The following SUCO variants were observed in gnomAD, a reference collection of about 807,000 sequenced individuals.
SUCO encodes SUN domain-containing ossification factor.
A neutral mutation model predicts 148.1 loss-of-function variants in SUCO; 57 were observed. The observed-to-expected ratio is 0.38, with a 90% CI of 0.31 to 0.48. The LOEUF is 0.48. Among genes scored for constraint, SUCO ranks in the 20% least tolerant of loss-of-function variants. The pLI, the probability that SUCO is intolerant of heterozygous loss-of-function variation, is 0.96. For missense variants in SUCO, 1,331 were observed against 1,468.2 expected (o/e 0.91, Z 1.53); for synonymous variants, 470 against 502.7 (o/e 0.93, Z 0.87).
At chr1:172,587,304 G>C (rs1448269948) in intron 17 of SUCO, among the ~76,000 whole-genome samples, 1 of 151,944 alleles carries the variant, frequency 6.6e-6, no homozygotes, top group Non-Finnish European at 1.5e-5. Flanking sequence ...TCCATGATAG[G>C]ATGTCACTGT....
At chr1:172,543,497 G>T (rs935235272) in intron 1 of SUCO, among the ~76,000 whole-genome samples, 2 of 152,116 alleles carry the variant, frequency 1.3e-5, no homozygotes, top group Non-Finnish European at 2.9e-5. Flanking sequence ...CTAATGGTAG[G>T]TTATAATGGT....
chr1:172,553,438 T>C, intron 3 of SUCO, 68 bp downstream of exon 3: 6 of 1,182,470 alleles, frequency 5.1e-6, no homozygotes, highest in Non-Finnish European at 7.2e-6. Context: ...TGAAAACCTT[T>C]GGTCACCATA....
In SUCO at chr1:172,578,350, T is replaced by C. The variant is rs763616988; in HGVS notation, c.1393T>C (p.Tyr465His). 8.1e-6 allele frequency: 13 copies of C among 1,612,754 alleles called. No homozygotes were observed. The Admixed American group carries it at 1.7e-4, about 21-fold the overall frequency. The change falls in exon 14 of 24, where the codon TAT becomes CAT. Residue 465 changes from tyrosine to histidine, a missense_variant. Around this residue, in one of 3 missense-constraint regions of SUCO, gnomAD observed 992 missense variants for 1,093.5 expected, o/e 0.91. Transcript: ENST00000263688. ...EEYEEIADSQ[Y>H]HSERQELFDE... ...ATATGAAGAAATTGCTGATTCCCAG[T>C]ATCACTCAGAACGCCAGGAACTATT...
intron 1 of SUCO, among the ~76,000 whole-genome samples, chr1:172,533,961 G>A (rs551254821): frequency 1.3e-5 from 2 of 152,302 alleles, no homozygotes; most frequent in South Asian, 4.1e-4. Context: ...TAATGTATAA[G>A]CAGTAGTTCT....
chr1:172,555,540 A>G (rs940970928), intron 3 of SUCO, among the ~76,000 whole-genome samples: 4 of 152,166 alleles, frequency 2.6e-5, no homozygotes, highest in Admixed American at 2.6e-4. Flanking sequence ...GTACATGTCC[A>G]TAGGGTTTCT....
intron 1 of SUCO, among the ~76,000 whole-genome samples, chr1:172,539,952 A>G (rs995572806): frequency 6.6e-6 from 1 of 152,204 alleles, no homozygotes; most frequent in African/African-American, 2.4e-5. Flanking sequence ...GCATAAAACT[A>G]TGTCAGAGCT....
chr1:172,532,504 C>T, upstream of SUCO: 1 of 1,613,592 alleles, frequency 6.2e-7, no homozygotes, highest in Non-Finnish European at 8.5e-7. Context: ...CCCTTTCTAT[C>T]TACCAATCAA....
rs202045718 is a variant in SUCO, at chr1:172,589,040, C to T, written c.1939C>T (p.Arg647Cys). 156 of 1,612,662 alleles carry T rather than the reference C, an allele frequency of 9.7e-5. 2 individuals carry two copies. The African/African-American group carries it at 1.1e-3, about 11-fold the overall frequency. ...AGTTAGAGTTGCTCTTTATCGGCAG[C>T]GCAGCCGAACTGCTTTGAGTAAAGG... ...CSVRVALYRQ[R>C]SRTALSKGKD... Residue 647 changes from arginine (R) to cysteine (C), a missense_variant, in exon 18 of 24, where the codon CGC (arginine) becomes TGC (cysteine). Coordinates refer to ENST00000263688, the MANE Select transcript of SUCO (RefSeq NM_014283.5).
chr1:172,532,843 C>T (rs376810615), upstream of SUCO: 115 of 1,544,830 alleles, frequency 7.4e-5, 5 homozygotes, highest in South Asian at 1.2e-3. Context: ...TGGGCTCCTC[C>T]CGGCTTTCTG....
chr1:172,532,567 T>G, upstream of SUCO: 3 of 1,613,930 alleles, frequency 1.9e-6, no homozygotes, highest in Non-Finnish European at 2.5e-6. Context: ...TTGGTGCAGC[T>G]TCCCTCACAA....
intron 9 of SUCO, among the ~76,000 whole-genome samples, chr1:172,571,473 G>C (rs1208129278): frequency 6.6e-6 from 1 of 151,816 alleles, no homozygotes; most frequent in Non-Finnish European, 1.5e-5. Flanking sequence ...CCTGTGCCCG[G>C]CCGCCACCCC....
At chr1:172,558,913 A>C (rs777788122) in intron 6 of SUCO, among the ~76,000 whole-genome samples, 4 of 152,186 alleles carry the variant, frequency 2.6e-5, no homozygotes, top group Non-Finnish European at 4.4e-5. Context: ...AGAGACTTAA[A>C]CTGTTTGTGA....
intron 10 of SUCO, chr1:172,574,899 T>G (rs1477848629): frequency 1.0e-6 from 1 of 985,112 alleles, no homozygotes; most frequent in Non-Finnish European, 1.2e-6. Context: ...CTACCCTTGC[T>G]CAGTTCACTT....
rs760219633 is a variant in SUCO at position 172,589,671 on chromosome 1, T to G, written c.2570T>G (p.Val857Gly). 2 of 1,613,930 alleles carry G rather than the reference T, an allele frequency of 1.2e-6. No homozygotes were observed. Among genetic ancestry groups the G allele is most frequent in the South Asian group, 1.1e-5 (1 of 91,066 alleles). The change falls in exon 18 of 24, where the codon GTG (valine) becomes GGG (glycine). Residue 857 changes from valine (V) to glycine (G), a missense_variant. By Grantham distance (109) the Val-to-Gly change is moderately radical. Around this residue, in one of 3 missense-constraint regions of SUCO, gnomAD observed 992 missense variants for 1,093.5 expected, o/e 0.91. Transcript: ENST00000263688. ...DTAKQTLISV[V>G]DSSSLPEVKE... ...GCAAAGCAAACTTTGATTTCTGTTGTGGATTCTTCTTCATTACCTGAAGTA... is the reference window on the plus strand; with the variant it reads ...GCAAAGCAAACTTTGATTTCTGTTGGGGATTCTTCTTCATTACCTGAAGTA...
At position 172,585,893 on chromosome 1, in the gene SUCO, G is replaced by A. The variant is rs1424112500; in HGVS notation, c.1603G>A (p.Ala535Thr). The A allele has an allele frequency of 1.9e-6, 3 of 1,610,976 alleles. No individual in the cohort carries two copies. The Admixed American group carries it at 5.0e-5, about 27-fold the overall frequency. The change falls in exon 17 of 24, where the codon GCT (alanine) becomes ACT (threonine). Residue 535 changes from alanine (A) to threonine (T), a missense_variant. Physicochemically the swap from Ala to Thr is moderately conservative, Grantham distance 58 (BLOSUM62 0). Coordinates refer to ENST00000263688, the MANE Select transcript of SUCO (RefSeq NM_014283.5). ...TATATCTGAGAATGCCACTGCCACA[G>A]CTGCACCTAAAATGCCTGAATCAAC... ...KSISENATATAAPKMPESTPV... is the reference protein window; with the variant it reads ...KSISENATATTAPKMPESTPV...
intron 9 of SUCO, among the ~76,000 whole-genome samples, chr1:172,572,183 C>T (rs1655065960): frequency 1.4e-5 from 2 of 143,304 alleles, no homozygotes; most frequent in African/African-American, 5.1e-5. Flanking sequence ...CCAGCCACCA[C>T]CCCGTTTGGG....
rs747240486 is a variant in SUCO at position 172,610,146 on chromosome 1, A to C, written c.3652A>C (p.Thr1218Pro). The C allele has an allele frequency of 1.2e-6, 2 of 1,613,606 alleles. No individual in the cohort carries two copies. Among genetic ancestry groups the C allele is most frequent in the South Asian group, 2.2e-5 (2 of 91,062 alleles). Residue 1218 changes from threonine to proline, a missense_variant, in exon 24 of 24, where the codon ACT becomes CCT. Coordinates refer to ENST00000263688, the MANE Select transcript of SUCO (RefSeq NM_014283.5). Reference sequence around the variant, plus strand: ...CCAAGACCAAGGAAAATTGATAAAAACTCTAATACAGACTAAGTCGGGATC... The same window carrying C: ...CCAAGACCAAGGAAAATTGATAAAACCTCTAATACAGACTAAGTCGGGATC... ...KVQDQGKLIK[T>P]LIQTKSGSLP...
intron 1 of SUCO, among the ~76,000 whole-genome samples, chr1:172,536,553 A>G (rs999289456): frequency 4.0e-4 from 61 of 152,302 alleles, no homozygotes; most frequent in African/African-American, 1.4e-3. Context: ...TCCAAGATAG[A>G]GGGTCACCAG....
At chr1:172,580,393 G>C (rs750901058) in intron 15 of SUCO, among the ~76,000 whole-genome samples, 1 of 152,058 alleles carries the variant, frequency 6.6e-6, no homozygotes, top group Admixed American at 6.5e-5. Context: ...TGACTTTCTA[G>C]ATATTAGTGA....
Sources: allele counts gnomAD v4.1 joint callset (sites outside exome capture counted in the v4.1 genomes callset), GRCh38; gene constraint gnomAD v4.1.1; regional missense constraint gnomAD v4.1.1; transcripts MANE v1.5; gene names NCBI Gene and HGNC (gene_info 2026-07-23, HGNC 2026-07-21).